Variants in HTT observed in about 807,000 individuals in gnomAD.
HTT encodes huntingtin.
Under a neutral mutation model 362.3 loss-of-function variants are expected in HTT, and 104 were observed. The ratio of observed to expected loss-of-function variants is 0.29; its 90% CI spans 0.24 to 0.34. The LOEUF (loss-of-function observed/expected upper bound fraction) is 0.34, where lower values mean the gene tolerates loss of function less well. Ranked by LOEUF, HTT falls within the 10% of genes least tolerant of loss-of-function variation. The pLI, the probability that HTT is intolerant of heterozygous loss-of-function variation, is 1.00. For synonymous variants in HTT, 1,577 were observed against 1,548.7 expected (o/e 1.02, Z -0.43); for missense variants, 3,301 against 3,928.6 (o/e 0.84, Z 4.27).
At chr4:3,234,825 C>G (rs1369081472) in intron 61 of HTT, among the ~76,000 whole-genome samples, 2 of 152,196 alleles carry the variant, frequency 1.3e-5, no homozygotes, top group Non-Finnish European at 2.9e-5. Context: ...CATTCAGTCC[C>G]TGGCTACCAG....
At chr4:3,161,171 G>T (rs1477709789) in intron 29 of HTT, among the ~76,000 whole-genome samples, 1 of 152,100 alleles carries the variant, frequency 6.6e-6, no homozygotes, top group Non-Finnish European at 1.5e-5. Flanking sequence ...AACATGCGGT[G>T]TTTGGTTTTC....
At chr4:3,086,450 C>T (rs777764687) in intron 1 of HTT, among the ~76,000 whole-genome samples, 4 of 152,214 alleles carry the variant, frequency 2.6e-5, no homozygotes, top group African/African-American at 7.2e-5. Flanking sequence ...ATGGGAAGAT[C>T]GCTTGAGGCC....
At chr4:3,207,424 A>G (rs1010765633) in intron 45 of HTT, 67 bp downstream of exon 45, 14 of 1,304,136 alleles carry the variant, frequency 1.1e-5, no homozygotes, top group Admixed American at 2.0e-5. Context: ...ATAGATTTGT[A>G]CGGGAATAAA....
Position 3,173,040 on chromosome 4 carries a change from T to C in HTT, c.4075T>C (p.Phe1359Leu), listed in dbSNP as rs767363684. ...GAGGCCAGGCTTGTACCACTACTGC[T>C]TCATGGCCCCGTACACCCACTTCAC... ...SVRPGLYHYC[F>L]MAPYTHFTQA... Residue 1359 changes from phenylalanine to leucine, a missense_variant, in exon 31 of 67, where the codon TTC (phenylalanine) becomes CTC (leucine). Physicochemically the swap from Phe to Leu is conservative, Grantham distance 22. Coordinates refer to ENST00000355072, the MANE Select transcript of HTT (RefSeq NM_001388492.1). 1 of 1,614,170 alleles carries C rather than the reference T, an allele frequency of 6.2e-7. No homozygotes were observed. The highest frequency in any genetic ancestry group is 8.5e-7 in the Non-Finnish European group (1 of 1,180,026).
intron 33 of HTT, among the ~76,000 whole-genome samples, chr4:3,175,469 T>A (rs1311089263): frequency 6.6e-6 from 1 of 152,248 alleles, no homozygotes; most frequent in African/African-American, 2.4e-5. Context: ...AGAGTTAGTT[T>A]AAACAGATTA....
rs925357780 is a variant in HTT, at chr4:3,201,529, CAAA to C, written c.5576+1612_5576+1614del. 4.4e-3 allele frequency among the ~76,000 whole-genome samples: 270 copies of C among 61,642 alleles called. 1 individual carries two copies. The highest frequency in any genetic ancestry group is 5.0e-3 in the Admixed American group (30 of 5,944). 40.4% of individuals were successfully genotyped at this position (61,642 alleles called of 152,430 possible). On this transcript the variant is annotated intron_variant, in intron 41 of 66. Transcript: ENST00000355072. The stretch of plus-strand genomic sequence containing the variant: ...TGGGTGACAGAGTGAGACTCCATCT[CAAA>C]AAAAAAAAAAAAAAAAAAAAATTAA...
chr4:3,233,552 A>G (rs572577294), intron 61 of HTT, among the ~76,000 whole-genome samples, 199 bp downstream of exon 61: 1 of 152,334 alleles, frequency 6.6e-6, no homozygotes, highest in East Asian at 1.9e-4. Context: ...GGGCACCTCC[A>G]GCGAGCTGGA....
chr4:3,160,522 C>G (rs558412763), intron 29 of HTT, 130 bp downstream of exon 29: 1 of 676,014 alleles, frequency 1.5e-6, no homozygotes, highest in Middle Eastern at 3.3e-4. Context: ...GCCCCACGTG[C>G]TTGCGTCACA....
At chr4:3,182,114 C>T (rs963438586) in intron 36 of HTT, among the ~76,000 whole-genome samples, 5 of 152,200 alleles carry the variant, frequency 3.3e-5, no homozygotes, top group African/African-American at 7.2e-5. Flanking sequence ...GGCAAATCCT[C>T]CTGAGCAAAG....
intron 26 of HTT, among the ~76,000 whole-genome samples, chr4:3,151,054 CAA>C (rs763028911): frequency 7.4e-6 from 1 of 134,408 alleles, no homozygotes; most frequent in African/African-American, 2.7e-5. Context: ...CAAAACAAAA[CAA>C]AAAAAAAAAA....
Position 3,130,379 on chromosome 4 carries a change from G to A in HTT, c.1942G>A (p.Val648Met), listed in dbSNP as rs748951866. Reference sequence around the variant, plus strand: ...TTCTGACAGCAGTGTTGATAAATTTGTGTTGAGAGATGAAGCTACTGAACC... The same window carrying A: ...TTCTGACAGCAGTGTTGATAAATTTATGTTGAGAGATGAAGCTACTGAACC... Reference protein sequence around the residue: ...QPSDSSVDKFVLRDEATEPGD... With the variant: ...QPSDSSVDKFMLRDEATEPGD... The change falls in exon 14 of 67, where the codon GTG becomes ATG. Residue 648 changes from valine to methionine, a missense_variant. Val to Met is a conservative substitution (Grantham distance 21). This residue lies in a region of HTT where 2,316 missense variants were observed against 2,658.5 expected (regional missense o/e 0.87). Transcript: ENST00000355072. 4.3e-6 allele frequency: 7 copies of A among 1,609,698 alleles called. No homozygotes were observed. The highest frequency in any genetic ancestry group is 1.3e-5 in the African/African-American group (1 of 74,968).
At chr4:3,103,991 A>G (rs1047508179) in intron 4 of HTT, 108 bp downstream of exon 4, 3 of 675,994 alleles carry the variant, frequency 4.4e-6, no homozygotes, top group Non-Finnish European at 7.8e-6. Context: ...TACATGAGAT[A>G]TTTTGATACA....
In HTT at chr4:3,204,076, G is replaced by A; in HGVS notation, c.5646G>A (p.Leu1882=). 6.2e-7 allele frequency: 1 copy of A among 1,614,046 alleles called. No individual in the cohort carries two copies. Among genetic ancestry groups the A allele is most frequent in the Non-Finnish European group, 8.5e-7 (1 of 1,179,934 alleles). ...CTGGAGAAGAGGAGGATTCTGACTT[G>A]GCAGCCAAACTTGGAATGTGCAATA... ...QMSGEEEDSD[L]AAKLGMCNRE... is the part of the protein sequence containing the mutation. The change falls in exon 42 of 67, where the codon TTG becomes TTA. Residue 1882 remains leucine, a synonymous_variant. Transcript: ENST00000355072.
chr4:3,218,561 A>G lies in HTT; in HGVS notation c.7242+609A>G, dbSNP rs970176877. ...GACAGGAGAATCGCTTGAACCCAGGAGGCGAAGGTTGCAGTAAGCCGAGAT... is the reference window on the plus strand; with the variant it reads ...GACAGGAGAATCGCTTGAACCCAGGGGGCGAAGGTTGCAGTAAGCCGAGAT... On this transcript the variant is annotated intron_variant, in intron 52 of 66. Coordinates refer to ENST00000355072, the MANE Select transcript of HTT (RefSeq NM_001388492.1). This position sits in a 1 kb window ranked among gnomAD's most constrained non-coding sequence, Gnocchi z 4.4. Among the ~76,000 whole-genome samples, 2 of 151,972 alleles carry G rather than the reference A, an allele frequency of 1.3e-5. No homozygotes were observed. The highest frequency in any genetic ancestry group is 2.9e-5 in the Non-Finnish European group (2 of 68,024).
In HTT at chr4:3,228,542, A is replaced by G. The variant is rs1040228761; in HGVS notation, c.7849-73A>G. 9 of 1,484,696 alleles carry G rather than the reference A, an allele frequency of 6.1e-6. No individual in the cohort carries two copies. The highest frequency in any genetic ancestry group is 2.3e-5 in the East Asian group (1 of 43,464). 92.0% of individuals were successfully genotyped at this position (1,484,696 alleles called of 1,614,324 possible). ...AGACGGTAGGCATGTGCTGAGTCCC[A>G]GTGGCCACACCCACCCACCAGGAGC... is the stretch of plus-strand genomic sequence containing the variant. On this transcript the variant is annotated intron_variant, in intron 57 of 66. Coordinates refer to ENST00000355072, the MANE Select transcript of HTT (RefSeq NM_001388492.1). The surrounding 1 kb of genome is among the most constrained non-coding windows in gnomAD (Gnocchi z 4.3).
intron 37 of HTT, among the ~76,000 whole-genome samples, chr4:3,186,107 G>C (rs1275022457): frequency 1.3e-5 from 2 of 152,116 alleles, no homozygotes; most frequent in Non-Finnish European, 2.9e-5. Context: ...GCAAGGATAT[G>C]GCTATAGGAA....
intron 6 of HTT, among the ~76,000 whole-genome samples, chr4:3,110,618 T>C (rs888902051): frequency 6.6e-6 from 1 of 152,224 alleles, no homozygotes; most frequent in African/African-American, 2.4e-5. Flanking sequence ...CCATTTTTTT[T>C]CCTGTACACT....
chr4:3,183,111 G>T (rs780165029), intron 37 of HTT, among the ~76,000 whole-genome samples: 2 of 152,210 alleles, frequency 1.3e-5, no homozygotes, highest in Non-Finnish European at 1.5e-5. Flanking sequence ...TAAACTCCTG[G>T]GCGCAAGTGA....
intron 29 of HTT, among the ~76,000 whole-genome samples, chr4:3,163,097 T>C (rs548071868): frequency 1.3e-5 from 2 of 152,346 alleles, no homozygotes; most frequent in African/African-American, 4.8e-5. Flanking sequence ...TGAGATACGT[T>C]CCATCGATAC....
Sources: allele counts gnomAD v4.1 joint callset (sites outside exome capture counted in the v4.1 genomes callset), GRCh38; gene constraint gnomAD v4.1.1; regional missense constraint gnomAD v4.1.1; non-coding constraint Gnocchi (gnomAD v3.1); transcripts MANE v1.5; gene names NCBI Gene and HGNC (gene_info 2026-07-23, HGNC 2026-07-21).